KAZN: variants seen among roughly 807,000 people sequenced by gnomAD.
KAZN encodes kazrin.
In KAZN, 40 loss-of-function variants were observed where a neutral mutation model predicts 87.4. That is an observed-to-expected ratio of 0.46 (90% CI 0.36 to 0.60). The LOEUF (loss-of-function observed/expected upper bound fraction) is 0.60. Ranked by LOEUF, KAZN falls within the 20% of genes least tolerant of loss-of-function variation. The probability of loss-of-function intolerance (pLI) is 0.00; values close to 1 mark genes in which losing one functional copy is unlikely to be tolerated. For synonymous variants in KAZN, 466 were observed against 458.3 expected (o/e 1.02, Z -0.22); for missense variants, 898 against 1,073.9 (o/e 0.84, Z 2.29).
chr1:13,932,401 C>A (rs886794322), intron 1 of KAZN, among the ~76,000 whole-genome samples: 1 of 150,564 alleles, frequency 6.6e-6, no homozygotes, highest in African/African-American at 2.4e-5. Flanking sequence ...GCTGGGACTA[C>A]AGGCGCCCGC....
intron 2 of KAZN, among the ~76,000 whole-genome samples, chr1:15,020,263 G>A (rs1487901962): frequency 6.6e-6 from 1 of 152,174 alleles, no homozygotes; most frequent in East Asian, 1.9e-4. Context: ...GGTGGATGCT[G>A]TTTCTAAAAG....
intron 7 of KAZN, among the ~76,000 whole-genome samples, chr1:15,064,805 C>G (rs556473842): frequency 1.3e-5 from 2 of 152,352 alleles, no homozygotes; most frequent in East Asian, 3.9e-4. Flanking sequence ...GCACGGCAGA[C>G]AGGGCCTGTG....
At chr1:14,831,387 C>G (rs935279619) in intron 1 of KAZN, among the ~76,000 whole-genome samples, 14 of 152,284 alleles carry the variant, frequency 9.2e-5, no homozygotes, top group African/African-American at 3.1e-4. Context: ...GAAAGTGGGA[C>G]GCCTCCCTTC....
chr1:13,993,234 G>C (rs187608148), intron 1 of KAZN, among the ~76,000 whole-genome samples: 3 of 152,302 alleles, frequency 2.0e-5, no homozygotes, highest in African/African-American at 7.2e-5. Context: ...ACTGCAGGGG[G>C]TTGGAGGGAG....
At chr1:14,230,038 C>A (rs563235205) in intron 2 of KAZN, among the ~76,000 whole-genome samples, 1 of 152,366 alleles carries the variant, frequency 6.6e-6, no homozygotes, top group Non-Finnish European at 1.5e-5. Context: ...TCCCATATAG[C>A]AGCCACTAAC....
intron 2 of KAZN, among the ~76,000 whole-genome samples, chr1:14,468,091 A>G (rs1668261337): frequency 6.6e-6 from 1 of 152,236 alleles, no homozygotes; most frequent in Non-Finnish European, 1.5e-5. Flanking sequence ...GAGAGTGGAT[A>G]CTTAGCTGGC....
chr1:14,199,673 A>G (rs1646600406), intron 2 of KAZN, among the ~76,000 whole-genome samples: 1 of 152,186 alleles, frequency 6.6e-6, no homozygotes, highest in African/African-American at 2.4e-5. Context: ...AGCAGGAGAC[A>G]TTTTACCAGC....
intron 2 of KAZN, among the ~76,000 whole-genome samples, chr1:14,411,269 T>A (rs1176133266): frequency 6.6e-6 from 1 of 152,184 alleles, no homozygotes; most frequent in African/African-American, 2.4e-5. Flanking sequence ...AGAGTGAGGA[T>A]AAAATGAAGT....
chr1:13,944,628 G>A (rs1283514805), intron 1 of KAZN, among the ~76,000 whole-genome samples: 1 of 152,156 alleles, frequency 6.6e-6, no homozygotes, highest in African/African-American at 2.4e-5. Context: ...TAAATGCCTT[G>A]AATGGCCGCA....
At chr1:14,086,200 G>GTTTAT (rs61655448) in intron 1 of KAZN, among the ~76,000 whole-genome samples, 49,363 of 151,830 alleles carry the variant, frequency 0.33, 8,439 homozygotes, top group Middle Eastern at 0.4. Flanking sequence ...GTTTGGTTTG[G>GTTTAT]TTTATTTTAA....
At chr1:15,054,275 G>A (rs551919416) in intron 4 of KAZN, among the ~76,000 whole-genome samples, 6 of 152,194 alleles carry the variant, frequency 3.9e-5, no homozygotes, top group African/African-American at 9.6e-5. Context: ...CCCCGGAAAC[G>A]TCCATGTTCA....
At chr1:14,043,710 T>C (rs773649964) in intron 1 of KAZN, among the ~76,000 whole-genome samples, 47 of 152,192 alleles carry the variant, frequency 3.1e-4, no homozygotes, top group Non-Finnish European at 6.2e-4. Context: ...TTAGGTGAAG[T>C]ACTGTGCATG....
At chr1:14,016,586 C>A (rs1640584904) in intron 1 of KAZN, among the ~76,000 whole-genome samples, 1 of 152,068 alleles carries the variant, frequency 6.6e-6, no homozygotes, top group South Asian at 2.1e-4. Context: ...AGTGAAATTT[C>A]AGAATATCTC....
intron 2 of KAZN, among the ~76,000 whole-genome samples, chr1:14,222,292 T>C (rs998536704): frequency 6.6e-6 from 1 of 152,160 alleles, no homozygotes; most frequent in African/African-American, 2.4e-5. Context: ...CGTGGGGAAC[T>C]GTGGGGGGAA....
At chr1:14,832,196 CAAAA>C (rs559013790) in intron 1 of KAZN, among the ~76,000 whole-genome samples, 1 of 120,902 alleles carries the variant, frequency 8.3e-6, no homozygotes, top group Non-Finnish European at 1.8e-5. Context: ...AACTCCATCT[CAAAA>C]AAAAAAAAAA....
intron 2 of KAZN, among the ~76,000 whole-genome samples, chr1:14,341,229 C>A (rs1010898924): frequency 6.6e-6 from 1 of 152,048 alleles, no homozygotes; most frequent in African/African-American, 2.4e-5. Flanking sequence ...TTAGGCTTTA[C>A]CTTTTATTTT....
At chr1:14,029,239 T>G (rs1216938094) in intron 1 of KAZN, among the ~76,000 whole-genome samples, 16 of 98,696 alleles carry the variant, frequency 1.6e-4, no homozygotes, top group African/African-American at 5.6e-4. Context: ...GATGAGCATT[T>G]TTTCATGTGT....
At chr1:14,074,411 C>G (rs12084851) in intron 1 of KAZN, among the ~76,000 whole-genome samples, 198 of 152,328 alleles carry the variant, frequency 1.3e-3, no homozygotes, top group African/African-American at 4.7e-3. Context: ...CAAACCAGCA[C>G]CCCTTGACCA....
intron 1 of KAZN, among the ~76,000 whole-genome samples, chr1:13,952,643 A>C (rs1641396431): frequency 1.7e-5 from 1 of 57,662 alleles, no homozygotes; most frequent in South Asian, 1.2e-3. Context: ...GTCTTCTGGG[A>C]ACTGTTATAA....
Sources: allele counts gnomAD v4.1 joint callset (sites outside exome capture counted in the v4.1 genomes callset), GRCh38; gene constraint gnomAD v4.1.1; transcripts MANE v1.5; gene names NCBI Gene and HGNC (gene_info 2026-07-23, HGNC 2026-07-21).